Variants in MYCBP2 observed in about 807,000 individuals in gnomAD.
MYCBP2 encodes E3 ubiquitin-protein ligase MYCBP2.
Under a neutral mutation model 525.3 loss-of-function variants are expected in MYCBP2, and 120 were observed. The ratio of observed to expected loss-of-function variants is 0.23; its 90% CI spans 0.20 to 0.27. MYCBP2 has a LOEUF of 0.27. MYCBP2 is among the 10% of genes least tolerant of loss of function. MYCBP2 has a pLI of 1.00. For missense variants in MYCBP2, 4,149 were observed against 5,657.1 expected (o/e 0.73, Z 8.55); for synonymous variants, 1,894 against 1,955.8 (o/e 0.97, Z 0.83).
Position 77,078,728 on chromosome 13 carries a change from T to C in MYCBP2, c.11484+96A>G, listed in dbSNP as rs187562716. 765 of 932,884 alleles carry C rather than the reference T, an allele frequency of 8.2e-4. 2 individuals carry two copies. Among genetic ancestry groups the C allele is most frequent in the Admixed American group, 2.4e-3 (133 of 55,170 alleles). 57.8% of individuals were successfully genotyped at this position (932,884 alleles called of 1,614,324 possible). A position where few individuals can be genotyped will look rare whatever the true frequency, so the allele number is the denominator to read the frequency against. On this transcript the variant is annotated intron_variant, in intron 66 of 82. Coordinates refer to ENST00000544440, the MANE Select transcript of MYCBP2 (RefSeq NM_015057.5). ...TAAATAGATAATTCCCTATAATACT[T>C]TGGTTGTGTGCCAAGGGTGGAATTC...
chr13:77,198,056 T>C (rs1300325177), intron 26 of MYCBP2, among the ~76,000 whole-genome samples: 3 of 152,346 alleles, frequency 2.0e-5, no homozygotes, highest in South Asian at 4.1e-4. Flanking sequence ...AATATCCTCC[T>C]GATGAGCTTA....
intron 1 of MYCBP2, among the ~76,000 whole-genome samples, chr13:77,303,928 G>A (rs113102797): frequency 1.3e-5 from 2 of 152,232 alleles, no homozygotes; most frequent in African/African-American, 2.4e-5. Flanking sequence ...GGTTATCAGG[G>A]AGCCAAAAAT....
chr13:77,118,325 G>A (rs1167483198), intron 55 of MYCBP2: 1 of 749,916 alleles, frequency 1.3e-6, no homozygotes, highest in East Asian at 2.4e-5. Flanking sequence ...AGGCAGGTAA[G>A]GCTGACAGAC....
chr13:77,268,364 C>T lies in MYCBP2; in HGVS notation c.1261-427G>A, dbSNP rs527988574. Among the ~76,000 whole-genome samples the T allele has an allele frequency of 6.1e-4, 93 of 152,330 alleles. No individual in the cohort carries two copies. The South Asian group carries it at 9.1e-3, about 15-fold the overall frequency. ...TTGAACACACTGCTATAATAATATA[C>T]TTTCCACGGCATTATTTCTTAGATA... is the stretch of plus-strand genomic sequence containing the variant. On this transcript the variant is annotated intron_variant, in intron 7 of 82. Coordinates refer to ENST00000544440, the MANE Select transcript of MYCBP2 (RefSeq NM_015057.5).
rs200791802 is a variant in MYCBP2, at chr13:77,070,727, G to C, written c.11824-16C>G. On this transcript the variant is annotated splice_polypyrimidine_tract_variant and intron_variant, in intron 68 of 82. Transcript: ENST00000544440. ...CTGATGTTGCCTTTACATAGAAAAA[G>C]AAAAAAAAAAAAAAGAATGAAGTGG... The C allele has an allele frequency of 1.8e-6, 2 of 1,093,972 alleles. No individual in the cohort carries two copies. The highest frequency in any genetic ancestry group is 2.5e-6 in the Non-Finnish European group (2 of 803,744). 67.8% of individuals were successfully genotyped at this position (1,093,972 alleles called of 1,614,324 possible).
intron 53 of MYCBP2, among the ~76,000 whole-genome samples, chr13:77,126,058 T>C (rs1246728706): frequency 6.6e-6 from 1 of 152,168 alleles, no homozygotes; most frequent in African/African-American, 2.4e-5. Flanking sequence ...ACATTTGTAA[T>C]AATGAAAAAA....
chr13:77,326,576 A>G lies in MYCBP2; in HGVS notation c.200T>C (p.Leu67Pro). 1.3e-6 allele frequency: 2 copies of G among 1,597,356 alleles called. No homozygotes were observed. Among genetic ancestry groups the G allele is most frequent in the Non-Finnish European group, 1.7e-6 (2 of 1,172,926 alleles). The part of the protein sequence containing the change: ...AADSRGHYQL[L>P]LSGRALADRY... Reference sequence around the variant, plus strand: ...GTCGGCCAGGGCCCGGCCTGACAGCAGCAGCTGGTAGTGACCCCGGGAGTC... The same window carrying G: ...GTCGGCCAGGGCCCGGCCTGACAGCGGCAGCTGGTAGTGACCCCGGGAGTC... The change falls in exon 1 of 83, where the codon CTG (leucine) becomes CCG (proline). Residue 67 changes from leucine (L) to proline (P), a missense_variant. This residue lies in a region of MYCBP2 where 413 missense variants were observed against 451.2 expected (regional missense o/e 0.92). Coordinates refer to ENST00000544440, the MANE Select transcript of MYCBP2 (RefSeq NM_015057.5). The surrounding 1 kb of genome is among the most constrained non-coding windows in gnomAD (Gnocchi z 4.2).
At chr13:77,276,018 C>T (rs1449365342) in intron 4 of MYCBP2, among the ~76,000 whole-genome samples, 1 of 152,154 alleles carries the variant, frequency 6.6e-6, no homozygotes, top group Non-Finnish European at 1.5e-5. Context: ...ACTCCTTCTA[C>T]TTTCCTCCAT....
At position 77,165,178 on chromosome 13, in the gene MYCBP2, G is replaced by C. The variant is rs1327399539; in HGVS notation, c.6459+95C>G. 6.4e-6 allele frequency: 7 copies of C among 1,088,702 alleles called. No homozygotes were observed. In the East Asian group the frequency reaches 1.5e-4, roughly 23 times the overall value. The allele number at this position is 1,088,702 out of a possible 1,614,324, so 67.4% of individuals were successfully genotyped here. On this transcript the variant is annotated intron_variant, in intron 42 of 82. Transcript: ENST00000544440. ...ACCAGGCCCCAATTTTTCGAATAGAGGCAACAGTACAATTTAAGTCAGTTA... is the reference window on the plus strand; with the variant it reads ...ACCAGGCCCCAATTTTTCGAATAGACGCAACAGTACAATTTAAGTCAGTTA...
chr13:77,085,845 A>C (rs936625369), intron 62 of MYCBP2, among the ~76,000 whole-genome samples: 3 of 152,130 alleles, frequency 2.0e-5, no homozygotes, highest in Non-Finnish European at 4.4e-5. Flanking sequence ...TTGCCAACCC[A>C]CAGACTGTCA....
chr13:77,206,968 T>TA, intron 23 of MYCBP2, 143 bp from the exon 24 acceptor site: 2 of 622,136 alleles, frequency 3.2e-6, no homozygotes, highest in Non-Finnish European at 5.0e-6. Context: ...CTTCTGGATC[T>TA]AAGCTAAACA....
At position 77,098,107 on chromosome 13, in the gene MYCBP2, A is replaced by G; in HGVS notation, c.9047T>C (p.Leu3016Ser). The change falls in exon 56 of 83, where the codon TTA becomes TCA. Residue 3016 changes from leucine (L) to serine (S), a missense_variant. Transcript: ENST00000544440. ...AGACATGGCTTGCTTGGCTGGCTCT[A>G]AAGGCTTGGATCCATCTCCTTTGAA... ...FLFKGDGSKP[L>S]EPAKQAMSPS... is the part of the protein sequence containing the mutation. The G allele has an allele frequency of 6.2e-7, 1 of 1,613,528 alleles. No individual in the cohort carries two copies. The highest frequency in any genetic ancestry group is 8.5e-7 in the Non-Finnish European group (1 of 1,179,758).
intron 24 of MYCBP2, among the ~76,000 whole-genome samples, chr13:77,206,282 G>C (rs539147220): frequency 3.4e-4 from 52 of 150,840 alleles, no homozygotes; most frequent in African/African-American, 1.2e-3. Context: ...AGAAACAGAA[G>C]ATGTATATAA....
Position 77,121,397 on chromosome 13 carries a change from C to A in MYCBP2, c.8116G>T (p.Asp2706Tyr), listed in dbSNP as rs965476994. 5 of 1,580,816 alleles carry A rather than the reference C, an allele frequency of 3.2e-6. No individual in the cohort carries two copies. In the African/African-American group the frequency reaches 5.4e-5, roughly 17 times the overall value. ...KGASCSAQGF[D>Y]YGLGNSKGDR... Reference sequence around the variant, plus strand: ...CCTTTGCTATTTCCGAGTCCATAATCAAATCCTTGGGCACTGCAACTTGCC... The same window carrying A: ...CCTTTGCTATTTCCGAGTCCATAATAAAATCCTTGGGCACTGCAACTTGCC... Residue 2706 changes from aspartate to tyrosine, a missense_variant, in exon 55 of 83, where the codon GAT becomes TAT. By Grantham distance (160) the Asp-to-Tyr change is radical. This residue lies in a region of MYCBP2 where 653 missense variants were observed against 744.7 expected (regional missense o/e 0.88). Coordinates refer to ENST00000544440, the MANE Select transcript of MYCBP2 (RefSeq NM_015057.5).
intron 82 of MYCBP2, 55 bp downstream of exon 82, chr13:77,050,942 C>T: frequency 7.0e-7 from 1 of 1,431,500 alleles, no homozygotes. Context: ...ATAATGTTTA[C>T]ATAAAACTAT....
chr13:77,095,176 A>G (rs2046051593), intron 58 of MYCBP2, among the ~76,000 whole-genome samples, 182 bp downstream of exon 58: 1 of 152,140 alleles, frequency 6.6e-6, no homozygotes, highest in Admixed American at 6.6e-5. Flanking sequence ...AGTTTTTTAA[A>G]TACCTATTAC....
At chr13:77,099,369 G>C (rs563922466) in intron 55 of MYCBP2, 2 of 223,748 alleles carry the variant, frequency 8.9e-6, no homozygotes, top group Non-Finnish European at 1.8e-5. Context: ...TGGGGAATAA[G>C]AAATTATTTA....
chr13:77,128,853 A>G (rs578190856), intron 52 of MYCBP2, among the ~76,000 whole-genome samples: 6 of 152,160 alleles, frequency 3.9e-5, no homozygotes, highest in African/African-American at 1.2e-4. Context: ...TAAAAGAGCC[A>G]TAAGGCCAGG....
intron 26 of MYCBP2, among the ~76,000 whole-genome samples, chr13:77,202,869 A>C (rs1489478909): frequency 6.6e-6 from 1 of 152,224 alleles, no homozygotes; most frequent in African/African-American, 2.4e-5. Flanking sequence ...AACTCTCAAT[A>C]AATTAGGTAT....
Sources: gnomAD v4.1 joint callset for allele counts (sites outside exome capture counted in the v4.1 genomes callset) on GRCh38, gnomAD v4.1.1 for gene constraint, gnomAD v4.1.1 regional missense constraint, Gnocchi (gnomAD v3.1) non-coding constraint, MANE v1.5 for transcripts, NCBI Gene and HGNC (gene_info 2026-07-23, HGNC 2026-07-21) for gene names.